The following JADE3 variants were observed in gnomAD, a reference collection of about 807,000 sequenced individuals.
The protein encoded by JADE3 is protein Jade-3.
A neutral mutation model predicts 50.1 loss-of-function variants in JADE3; 2 were observed. The observed-to-expected ratio is 0.04, with a 90% CI of 0.02 to 0.13. The LOEUF (loss-of-function observed/expected upper bound fraction) is 0.13. Ranked by LOEUF, JADE3 falls within the 10% of genes least tolerant of loss-of-function variation. The pLI is 1.00. For synonymous variants in JADE3, 218 were observed against 232.9 expected, an observed-to-expected ratio of 0.94 and a Z score of 0.58; for missense variants, 475 against 634.4, an observed-to-expected ratio of 0.75 and a Z score of 2.70.
intron 4 of JADE3, among the ~76,000 whole-genome samples, chrX:47,008,179 A>G (rs1928479658): frequency 8.9e-6 from 1 of 111,841 alleles, no homozygotes; most frequent in Non-Finnish European, 1.9e-5. Flanking sequence ...CTAGGTTTAC[A>G]GCCAAAAAGA....
At chrX:46,985,682 C>T (rs782509221) in intron 2 of JADE3, 31 bp from the exon 3 acceptor site, 1 of 937,091 alleles carries the variant, frequency 1.1e-6, no homozygotes, top group East Asian at 3.1e-5. Flanking sequence ...GGTAATGTGT[C>T]TCAGTATTTT....
At chrX:47,037,405 G>A (rs1437532889) in intron 7 of JADE3, among the ~76,000 whole-genome samples, 1 of 111,853 alleles carries the variant, frequency 8.9e-6, no homozygotes, top group Non-Finnish European at 1.9e-5. Context: ...AAACAACAAG[G>A]CATGTAGCAC....
intron 4 of JADE3, among the ~76,000 whole-genome samples, chrX:47,008,162 A>G (rs1184665111): frequency 8.9e-6 from 1 of 111,822 alleles, no homozygotes; most frequent in Non-Finnish European, 1.9e-5. Context: ...CTGCTGTTTT[A>G]GAAGCTCTAG....
chrX:47,003,452 A>T (rs1452551525), intron 4 of JADE3, among the ~76,000 whole-genome samples: 10 of 108,922 alleles, frequency 9.2e-5, no homozygotes, highest in African/African-American at 3.3e-4. Flanking sequence ...CACCAAGTTG[A>T]TCAGGGATTA....
At chrX:47,032,442 A>G (rs1450312901) in intron 6 of JADE3, among the ~76,000 whole-genome samples, 1 of 110,992 alleles carries the variant, frequency 9.0e-6, no homozygotes, top group Non-Finnish European at 1.9e-5. Flanking sequence ...AGCAGAAGGA[A>G]TATCTAAAGG....
chrX:46,968,881 A>G (rs1439011184), intron 1 of JADE3, among the ~76,000 whole-genome samples: 1 of 111,884 alleles, frequency 8.9e-6, no homozygotes, highest in Non-Finnish European at 1.9e-5. Context: ...TGATAGAACC[A>G]GTAGACAGAA....
chrX:47,001,011 C>T (rs1426721548), intron 4 of JADE3, among the ~76,000 whole-genome samples: 2 of 111,964 alleles, frequency 1.8e-5, no homozygotes, highest in African/African-American at 6.5e-5. Flanking sequence ...TAAATCTCTT[C>T]TGTTTCCCAT....
At position 47,059,088 on chromosome X, in the gene JADE3, C is replaced by G; in HGVS notation, c.*11C>G. ...TCAATGCAAAGGTGATTAGAAACTT[C>G]CAAGGATGACCCAACCTTTGCCTTT... On this transcript the variant is annotated 3_prime_UTR_variant, in exon 11 of 11. Transcript: ENST00000614628. 8.7e-7 allele frequency: 1 copy of G among 1,144,635 alleles called. No individual in the cohort carries two copies. The highest frequency in any genetic ancestry group is 3.0e-5 in the East Asian group (1 of 33,403). 94.3% of individuals were successfully genotyped at this position (1,144,635 alleles called of 1,213,427 possible).
chrX:46,936,555 T>A (rs965288646), intron 1 of JADE3, among the ~76,000 whole-genome samples: 3 of 111,723 alleles, frequency 2.7e-5, no homozygotes, highest in Non-Finnish European at 3.8e-5. Context: ...ATTTTTTTTT[T>A]ATGTTTGTTG....
At chrX:47,043,166 C>T (rs1206284338) in intron 8 of JADE3, among the ~76,000 whole-genome samples, 1 of 112,059 alleles carries the variant, frequency 8.9e-6, no homozygotes, top group African/African-American at 3.2e-5. Context: ...CCTCCTAAAG[C>T]AGATATGGCC....
intron 4 of JADE3, among the ~76,000 whole-genome samples, chrX:47,011,291 A>T (rs1347065228): frequency 1.8e-5 from 2 of 112,372 alleles, no homozygotes; most frequent in African/African-American, 3.2e-5. Flanking sequence ...ATGTTTTGGA[A>T]GTTCATCCGT....
chrX:46,957,023 C>G (rs1927140526), intron 1 of JADE3, among the ~76,000 whole-genome samples: 1 of 110,454 alleles, frequency 9.1e-6, no homozygotes, highest in African/African-American at 3.3e-5. Context: ...TGAGGTTTCT[C>G]CATGTTGCCA....
At chrX:47,030,906 T>C (rs782120299) in intron 6 of JADE3, among the ~76,000 whole-genome samples, 1 of 109,706 alleles carries the variant, frequency 9.1e-6, no homozygotes, top group African/African-American at 3.3e-5. Context: ...AAAAATGAGC[T>C]GGGTGTGGTG....
chrX:47,006,819 T>A (rs1213503064), intron 4 of JADE3, among the ~76,000 whole-genome samples: 1 of 111,134 alleles, frequency 9.0e-6, no homozygotes. Flanking sequence ...TATGTTGAAT[T>A]TCATTTTCGT....
intron 1 of JADE3, among the ~76,000 whole-genome samples, chrX:46,958,375 A>C (rs10126221): frequency 0.019 from 2,122 of 111,740 alleles, 60 homozygotes; most frequent in African/African-American, 0.064. Flanking sequence ...TCTTTGATGA[A>C]TGTTATCCCT....
chrX:46,978,495 G>T (rs1255697447), intron 1 of JADE3, among the ~76,000 whole-genome samples: 2 of 111,569 alleles, frequency 1.8e-5, no homozygotes, highest in East Asian at 5.6e-4. Flanking sequence ...AACATGGGGA[G>T]GAATTGTAGG....
intron 4 of JADE3, among the ~76,000 whole-genome samples, chrX:47,015,061 TC>T (rs1420018166): frequency 1.8e-5 from 2 of 112,473 alleles, no homozygotes; most frequent in African/African-American, 3.2e-5. Context: ...ATGATGACAT[TC>T]CTTAATTCTG....
At chrX:46,980,416 C>T (rs1279874009) in intron 1 of JADE3, among the ~76,000 whole-genome samples, 2 of 110,869 alleles carry the variant, frequency 1.8e-5, no homozygotes, top group Non-Finnish European at 3.8e-5. Flanking sequence ...TGATATTACA[C>T]GTGTGTGTAA....
chrX:46,977,482 G>A (rs940555260), intron 1 of JADE3, among the ~76,000 whole-genome samples: 3 of 111,940 alleles, frequency 2.7e-5, no homozygotes, highest in Non-Finnish European at 5.6e-5. Flanking sequence ...TTCTTCTGTC[G>A]TGGTAAGAAC....
Sources: gnomAD v4.1 joint callset for allele counts (sites outside exome capture counted in the v4.1 genomes callset) on GRCh38, gnomAD v4.1.1 for gene constraint, MANE v1.5 for transcripts, NCBI Gene and HGNC (gene_info 2026-07-23, HGNC 2026-07-21) for gene names.